The following AIG1 variants were observed in gnomAD, a reference collection of about 807,000 sequenced individuals.
AIG1 encodes androgen-induced gene 1 protein.
Under a neutral mutation model 31.4 loss-of-function variants are expected in AIG1, and 23 were observed. That is an observed-to-expected ratio of 0.73 (90% CI 0.53 to 1.04). AIG1 has a LOEUF of 1.04. AIG1 is among the 50% of genes least tolerant of loss of function. The probability of loss-of-function intolerance (pLI) is 0.00; values close to 1 mark genes in which losing one functional copy is unlikely to be tolerated. For synonymous variants in AIG1, 100 were observed against 110.5 expected, an observed-to-expected ratio of 0.90 and a Z score of 0.60; for missense variants, 274 against 295.0, an observed-to-expected ratio of 0.93 and a Z score of 0.52.
chr6:143,116,010 T>C (rs1482976206), intron 1 of AIG1, among the ~76,000 whole-genome samples: 1 of 152,152 alleles, frequency 6.6e-6, no homozygotes. Flanking sequence ...GAATCAAGAG[T>C]TGGTGATACA....
chr6:143,129,933 C>CTTTT (rs917523183), intron 1 of AIG1, among the ~76,000 whole-genome samples: 1 of 134,808 alleles, frequency 7.4e-6, no homozygotes. Flanking sequence ...TAAATAGACA[C>CTTTT]TTTTTTTTTT....
At chr6:143,075,550 C>A (rs1777661691) in intron 1 of AIG1, among the ~76,000 whole-genome samples, 1 of 152,150 alleles carries the variant, frequency 6.6e-6, no homozygotes, top group South Asian at 2.1e-4. Context: ...AAGCAATCCA[C>A]CCCACTCAGC....
At chr6:143,212,857 G>T (rs543357958) in intron 3 of AIG1, among the ~76,000 whole-genome samples, 1 of 152,292 alleles carries the variant, frequency 6.6e-6, no homozygotes, top group East Asian at 1.9e-4. Context: ...AGGCATATAT[G>T]CCCAGCATAA....
intron 2 of AIG1, among the ~76,000 whole-genome samples, chr6:143,148,382 G>A (rs1266182420): frequency 2.0e-5 from 3 of 149,608 alleles, no homozygotes; most frequent in Non-Finnish European, 3.0e-5. Context: ...GGTGGCACAC[G>A]CCTGTAGTCC....
At chr6:143,198,125 T>C (rs1790404149) in intron 3 of AIG1, among the ~76,000 whole-genome samples, 1 of 152,252 alleles carries the variant, frequency 6.6e-6, no homozygotes, top group South Asian at 2.1e-4. Context: ...TAATCTTTTC[T>C]GGATACTTCT....
intron 1 of AIG1, chr6:143,061,640 C>A (rs1048698089): frequency 3.3e-5 from 9 of 272,696 alleles, no homozygotes; most frequent in Non-Finnish European, 6.7e-5. Flanking sequence ...TCAACCTTTA[C>A]CCCGTACATA....
intron 5 of AIG1, among the ~76,000 whole-genome samples, chr6:143,337,669 G>A (rs753666225): frequency 1.9e-4 from 29 of 152,178 alleles, no homozygotes; most frequent in Admixed American, 1.2e-3. Flanking sequence ...CGGGGAGACA[G>A]GAGACGTCTA....
intron 1 of AIG1, among the ~76,000 whole-genome samples, chr6:143,099,054 C>T (rs982544739): frequency 1.4e-4 from 22 of 152,176 alleles, no homozygotes; most frequent in Admixed American, 5.9e-4. Flanking sequence ...TTAACTTTAA[C>T]TTCAGATCTT....
At chr6:143,131,742 G>A (rs767000626) in intron 1 of AIG1, among the ~76,000 whole-genome samples, 4 of 152,154 alleles carry the variant, frequency 2.6e-5, no homozygotes, top group Admixed American at 6.5e-5. Context: ...TGGCCTCCAC[G>A]TAAGGGCCTA....
intron 3 of AIG1, among the ~76,000 whole-genome samples, chr6:143,184,285 C>T (rs1189513448): frequency 1.3e-5 from 2 of 152,150 alleles, no homozygotes; most frequent in African/African-American, 4.8e-5. Context: ...GATTTAAAAC[C>T]AGTCCCCTGT....
intron 3 of AIG1, among the ~76,000 whole-genome samples, chr6:143,202,451 G>T (rs970019660): frequency 1.3e-5 from 2 of 152,150 alleles, no homozygotes; most frequent in South Asian, 2.1e-4. Flanking sequence ...ATTTGGTTTG[G>T]TTTGAATTAT....
chr6:143,226,246 AT>A (rs1554259707), intron 3 of AIG1, among the ~76,000 whole-genome samples: 90 of 142,026 alleles, frequency 6.3e-4, no homozygotes, highest in Middle Eastern at 3.7e-3. Context: ...ATATATATAT[AT>A]TTTTTTTTTT....
chr6:143,065,196 T>G (rs1029816024), intron 1 of AIG1, among the ~76,000 whole-genome samples: 4 of 152,224 alleles, frequency 2.6e-5, no homozygotes, highest in Admixed American at 2.6e-4. Flanking sequence ...GCCCCAGACT[T>G]CTTGGCTCCT....
At chr6:143,133,964 A>G (rs1783498630) in intron 1 of AIG1, among the ~76,000 whole-genome samples, 2 of 152,102 alleles carry the variant, frequency 1.3e-5, no homozygotes, top group African/African-American at 4.8e-5. Flanking sequence ...CATATAATGC[A>G]GTAACTAGGC....
downstream of AIG1, among the ~76,000 whole-genome samples, chr6:143,341,400 G>C (rs993616599): frequency 3.3e-5 from 5 of 152,032 alleles, no homozygotes; most frequent in Non-Finnish European, 7.3e-5. Context: ...AAATTTATAT[G>C]TTGAACCCGT....
chr6:143,315,713 A>G (rs966235381), intron 4 of AIG1, among the ~76,000 whole-genome samples: 1 of 152,158 alleles, frequency 6.6e-6, no homozygotes, highest in Non-Finnish European at 1.5e-5. Context: ...GACACTTATA[A>G]AAATTCTAGA....
chr6:143,220,490 A>G (rs1171793779), intron 3 of AIG1, among the ~76,000 whole-genome samples: 1 of 152,142 alleles, frequency 6.6e-6, no homozygotes. Context: ...TCTCTATCAT[A>G]CAGATGCAGA....
At chr6:143,249,755 C>T (rs545814789) in intron 3 of AIG1, among the ~76,000 whole-genome samples, 18 of 152,210 alleles carry the variant, frequency 1.2e-4, no homozygotes, top group Admixed American at 3.3e-4. Context: ...TTCAACCCCC[C>T]CTATGTTTGC....
rs17072445 is a variant in AIG1, at chr6:143,338,441, A to G, written c.680-1198A>G. 25,223 of 155,384 alleles carry G rather than the reference A, an allele frequency of 0.16. 4,839 individuals are homozygous for G. The highest frequency in any genetic ancestry group is 0.47 in the African/African-American group (19,480 of 41,552). The allele number at this position is 155,384 out of a possible 1,614,324, so 9.6% of individuals were successfully genotyped here. A position where few individuals can be genotyped will look rare whatever the true frequency, so the allele number is the denominator to read the frequency against. ...CATAAAAGATCATCTGGGGACATTC[A>G]TTCAGAGCACGTTACCCACATTCCA... On this transcript the variant is annotated intron_variant, in intron 5 of 5. Transcript: ENST00000357847. This position sits in a 1 kb window ranked among gnomAD's most constrained non-coding sequence, Gnocchi z 4.3.
Sources: allele counts gnomAD v4.1 joint callset (sites outside exome capture counted in the v4.1 genomes callset), GRCh38; gene constraint gnomAD v4.1.1; non-coding constraint Gnocchi (gnomAD v3.1); transcripts MANE v1.5; gene names NCBI Gene and HGNC (gene_info 2026-07-23, HGNC 2026-07-21).